NEK11: variants seen among roughly 807,000 people sequenced by gnomAD.
NEK11 encodes serine/threonine-protein kinase Nek11.
In NEK11, 72 loss-of-function variants were observed where a neutral mutation model predicts 80.7. The observed-to-expected ratio is 0.89, with a 90% CI of 0.74 to 1.08. NEK11 has a LOEUF of 1.08. NEK11 is among the 50% of genes least tolerant of loss of function. The pLI, the probability that NEK11 is intolerant of heterozygous loss-of-function variation, is 0.00. For synonymous variants in NEK11, 251 were observed against 260.7 expected (o/e 0.96, Z 0.36); for missense variants, 764 against 763.6 (o/e 1.00, Z -0.01).
intron 17 of NEK11, chr3:131,325,595 T>C (rs2096954836): frequency 6.6e-6 from 1 of 152,200 alleles, no homozygotes; most frequent in Non-Finnish European, 1.5e-5. Context: ...AACAACCTTA[T>C]GATAAAGTTG....
intron 3 of NEK11, among the ~76,000 whole-genome samples, chr3:131,079,028 T>C (rs1023732586): frequency 1.3e-5 from 2 of 152,210 alleles, no homozygotes; most frequent in African/African-American, 4.8e-5. Context: ...GTCTTTTCAG[T>C]TACTTGACAG....
intron 3 of NEK11, among the ~76,000 whole-genome samples, chr3:131,033,619 T>C (rs548923940): frequency 6.6e-6 from 1 of 152,324 alleles, no homozygotes; most frequent in South Asian, 2.1e-4. Context: ...ATGTACATAG[T>C]ACTTAACTTT....
intron 17 of NEK11, chr3:131,327,829 G>GTCCTGTTCTCTACTCTCTCTCCTATTTCC (rs2096995670): frequency 1.3e-5 from 2 of 150,774 alleles, no homozygotes; most frequent in African/African-American, 2.4e-5. Context: ...TCTTCTCAAA[G>GTCCTGTTCTCTACTCTCTCTCCTATTTCC]TCCTGTTCTC....
intron 16 of NEK11, among the ~76,000 whole-genome samples, chr3:131,260,034 C>T (rs2108458034): frequency 6.6e-6 from 1 of 152,250 alleles, no homozygotes; most frequent in African/African-American, 2.4e-5. Flanking sequence ...AGCTAAGCCT[C>T]TCAGCAGAGT....
chr3:131,330,474 T>A (rs952259583), intron 17 of NEK11: 2 of 152,132 alleles, frequency 1.3e-5, no homozygotes, highest in Non-Finnish European at 2.9e-5. Context: ...AGAATGTGGA[T>A]AGAGGACAGA....
intron 16 of NEK11, among the ~76,000 whole-genome samples, chr3:131,269,450 G>A (rs1016086913): frequency 1.3e-5 from 2 of 152,216 alleles, no homozygotes; most frequent in Admixed American, 1.3e-4. Context: ...CATGGGAAAA[G>A]CATAGTATCT....
chr3:131,203,763 GTGTGTATATATATATATATA>G (rs2094342501), intron 14 of NEK11, among the ~76,000 whole-genome samples: 17 of 35,514 alleles, frequency 4.8e-4, no homozygotes, highest in African/African-American at 1.8e-3. Flanking sequence ...GTGTGTGTGT[GTGTGTATATATATATATATA>G]TATATATATA....
chr3:131,067,263 A>C (rs2072211100), intron 3 of NEK11, among the ~76,000 whole-genome samples: 1 of 152,232 alleles, frequency 6.6e-6, no homozygotes, highest in South Asian at 2.1e-4. Context: ...TACCTTCCAC[A>C]GATCAGGTGC....
At chr3:131,267,717 T>C (rs1291796676) in intron 16 of NEK11, among the ~76,000 whole-genome samples, 1 of 152,144 alleles carries the variant, frequency 6.6e-6, no homozygotes, top group Non-Finnish European at 1.5e-5. Context: ...TTTTCCTTCA[T>C]TTCAACCTTG....
At chr3:131,064,424 G>T (rs1029780721) in intron 3 of NEK11, among the ~76,000 whole-genome samples, 1 of 152,124 alleles carries the variant, frequency 6.6e-6, no homozygotes, top group Non-Finnish European at 1.5e-5. Flanking sequence ...GTGCAAGCGT[G>T]TCCCTGGTCT....
chr3:131,229,802 G>T (rs1476510515), intron 15 of NEK11, among the ~76,000 whole-genome samples: 1 of 152,070 alleles, frequency 6.6e-6, no homozygotes, highest in African/African-American at 2.4e-5. Flanking sequence ...GAGATGAAGA[G>T]AAAGGATTAG....
At chr3:131,349,529 T>C in intron 17 of NEK11, 28 bp from the exon 18 acceptor site, 3 of 1,578,284 alleles carry the variant, frequency 1.9e-6, no homozygotes, top group Admixed American at 3.4e-5. Context: ...GTGTAACTCT[T>C]TGTAATCTTT....
At chr3:131,067,639 TG>T (rs2072286101) in intron 3 of NEK11, among the ~76,000 whole-genome samples, 1 of 152,230 alleles carries the variant, frequency 6.6e-6, no homozygotes, top group Non-Finnish European at 1.5e-5. Context: ...CCAGCATATT[TG>T]TGTTCTTTTC....
chr3:131,289,620 G>A (rs1455002362), intron 17 of NEK11, among the ~76,000 whole-genome samples: 1 of 152,160 alleles, frequency 6.6e-6, no homozygotes, highest in Non-Finnish European at 1.5e-5. Flanking sequence ...AGTGTCACCT[G>A]TGACAGATAA....
At chr3:131,068,973 G>T (rs1412020030) in intron 3 of NEK11, among the ~76,000 whole-genome samples, 1 of 152,064 alleles carries the variant, frequency 6.6e-6, no homozygotes, top group Non-Finnish European at 1.5e-5. Flanking sequence ...TTAAAAAGTT[G>T]TAGCTCAAGC....
At chr3:131,096,986 T>G (rs1386576682) in intron 4 of NEK11, among the ~76,000 whole-genome samples, 1 of 150,076 alleles carries the variant, frequency 6.7e-6, no homozygotes, top group South Asian at 2.1e-4. Flanking sequence ...ACATGCGGTG[T>G]TTGGTGTTTT....
chr3:131,119,753 T>G (rs996722219), intron 5 of NEK11, among the ~76,000 whole-genome samples: 3 of 152,192 alleles, frequency 2.0e-5, no homozygotes, highest in African/African-American at 7.2e-5. Flanking sequence ...TTGATCTTTG[T>G]TGGTTTAAAT....
chr3:131,200,559 G>A (rs2094189019), intron 14 of NEK11, among the ~76,000 whole-genome samples: 1 of 152,176 alleles, frequency 6.6e-6, no homozygotes. Context: ...GATAAACATA[G>A]AAATTGACCC....
chr3:131,041,320 C>T (rs1057101460), intron 3 of NEK11, among the ~76,000 whole-genome samples: 1 of 152,134 alleles, frequency 6.6e-6, no homozygotes, highest in African/African-American at 2.4e-5. Flanking sequence ...TTGGGTGTTC[C>T]ATATGAATTG....
Sources: gnomAD v4.1 joint callset for allele counts (sites outside exome capture counted in the v4.1 genomes callset) on GRCh38, gnomAD v4.1.1 for gene constraint, MANE v1.5 for transcripts, NCBI Gene and HGNC (gene_info 2026-07-23, HGNC 2026-07-21) for gene names.